Variants in NAA25 observed in about 807,000 individuals in gnomAD.
NAA25 encodes N-terminal acetyltransferase B complex subunit NAA25.
In NAA25, 30 loss-of-function variants were observed where a neutral mutation model predicts 132.5. The ratio of observed to expected loss-of-function variants is 0.23; its 90% CI spans 0.17 to 0.31. NAA25 has a LOEUF of 0.31. Ranked by LOEUF, NAA25 falls within the 10% of genes least tolerant of loss-of-function variation. The probability of loss-of-function intolerance (pLI) is 1.00; values close to 1 mark genes in which losing one functional copy is unlikely to be tolerated. For missense variants in NAA25, 771 were observed against 1,150.4 expected (o/e 0.67, Z 4.77); for synonymous variants, 359 against 401.9 (o/e 0.89, Z 1.28).
chr12:112,029,951 G>A (rs1481927045), intron 23 of NAA25, among the ~76,000 whole-genome samples: 2 of 152,034 alleles, frequency 1.3e-5, no homozygotes, highest in African/African-American at 2.4e-5. Flanking sequence ...GGTGGCTCAC[G>A]CCTGTAATTC....
At chr12:112,106,087 G>A (rs943425019) in intron 1 of NAA25, among the ~76,000 whole-genome samples, 2 of 152,180 alleles carry the variant, frequency 1.3e-5, no homozygotes, top group Non-Finnish European at 2.9e-5. Flanking sequence ...CGGACAGTCT[G>A]TACCGTTCTT....
chr12:112,063,962 T>G (rs7978068), intron 11 of NAA25: 53,854 of 151,892 alleles, frequency 0.35, 13,954 homozygotes, highest in East Asian at 0.85. Context: ...GGCTGGACTC[T>G]AATTCCTGGG....
At chr12:112,035,348 T>A (rs1182367094) in intron 22 of NAA25, 1 of 152,176 alleles carries the variant, frequency 6.6e-6, no homozygotes, top group Non-Finnish European at 1.5e-5. Flanking sequence ...TTTTTTTCCT[T>A]TTTGTCTTGC....
At chr12:112,062,672 G>A (rs905960275) in intron 11 of NAA25, among the ~76,000 whole-genome samples, 6 of 151,742 alleles carry the variant, frequency 4.0e-5, no homozygotes, top group African/African-American at 1.5e-4. Flanking sequence ...GTTGCAGTGA[G>A]CCGAGATCGC....
Position 112,043,143 on chromosome 12 carries a change from C to T in NAA25, c.2319G>A (p.Gln773=). ...CATTGACAAGATAAAAAGAGCTTAT[C>T]TGGCACTGAGAACAGCCAGAATTAA... ...GFFNSGCSQC[Q]ISSFYLVNDI... is the part of the protein sequence containing the mutation. Residue 773 remains glutamine (Q), a synonymous_variant, in exon 19 of 24, where the codon CAG becomes CAA. Transcript: ENST00000261745. 4 of 1,613,542 alleles carry T rather than the reference C, an allele frequency of 2.5e-6. No individual in the cohort carries two copies. The South Asian group carries it at 4.4e-5, about 18-fold the overall frequency.
chr12:112,066,843 G>C (rs1419407180), intron 11 of NAA25, among the ~76,000 whole-genome samples: 1 of 152,156 alleles, frequency 6.6e-6, no homozygotes, highest in African/African-American at 2.4e-5. Flanking sequence ...GTCTGCCAAA[G>C]TACTGAACCT....
chr12:112,066,025 T>C (rs1356036546), intron 11 of NAA25, among the ~76,000 whole-genome samples: 1 of 152,200 alleles, frequency 6.6e-6, no homozygotes, highest in Non-Finnish European at 1.5e-5. Context: ...AAATCCTTAT[T>C]CTCACAGAGC....
At chr12:112,063,734 C>G (rs1052116547) in intron 11 of NAA25, among the ~76,000 whole-genome samples, 8 of 151,980 alleles carry the variant, frequency 5.3e-5, no homozygotes, top group African/African-American at 1.9e-4. Context: ...AAGACTATAA[C>G]TATAAAAATA....
chr12:112,049,352 G>T lies in NAA25; in HGVS notation c.1729-909C>A. On this transcript the variant is annotated intron_variant, in intron 15 of 23. Coordinates refer to ENST00000261745, the MANE Select transcript of NAA25 (RefSeq NM_024953.4). The surrounding 1 kb of genome is among the most constrained non-coding windows in gnomAD (Gnocchi z 4.7). ...ACTATTATGCTCAAAGCTGATGTCT[G>T]CCCCCAAAAAAGATCCTTTCTAGAA... 1.5e-6 allele frequency: 1 copy of T among 646,814 alleles called. No individual in the cohort carries two copies. Among genetic ancestry groups the T allele is most frequent in the Non-Finnish European group, 1.9e-6 (1 of 520,728 alleles). The allele number at this position is 646,814 out of a possible 1,614,324, so 40.1% of individuals were successfully genotyped here.
intron 4 of NAA25, among the ~76,000 whole-genome samples, chr12:112,081,627 A>T (rs1390760414): frequency 1.3e-5 from 2 of 152,218 alleles, no homozygotes; most frequent in Non-Finnish European, 2.9e-5. Context: ...TAGAACTGAA[A>T]TCTTTCATTA....
chr12:112,029,217 G>T lies in NAA25; in HGVS notation c.*314C>A. ...CTTAATTTCTATTGCTGTTTTTATA[G>T]ACCCCCCGCTCCCCTGAAAAGATGT... On this transcript the variant is annotated 3_prime_UTR_variant, in exon 24 of 24. Coordinates refer to ENST00000261745, the MANE Select transcript of NAA25 (RefSeq NM_024953.4). 1 of 284,156 alleles carries T rather than the reference G, an allele frequency of 3.5e-6. No individual in the cohort carries two copies. Among genetic ancestry groups the T allele is most frequent in the Non-Finnish European group, 6.7e-6 (1 of 149,956 alleles). 17.6% of individuals were successfully genotyped at this position (284,156 alleles called of 1,614,324 possible).
chr12:112,078,486 T>G, intron 6 of NAA25, 148 bp downstream of exon 6: 2 of 739,458 alleles, frequency 2.7e-6, no homozygotes, highest in Non-Finnish European at 2.2e-6. Context: ...TGATTAGACC[T>G]ACGCTGAGGG....
chr12:112,094,352 A>G (rs1252898116), intron 1 of NAA25, among the ~76,000 whole-genome samples: 1 of 152,150 alleles, frequency 6.6e-6, no homozygotes, highest in East Asian at 1.9e-4. Context: ...AAGACTATAC[A>G]TATTTAGATG....
intron 14 of NAA25, 37 bp downstream of exon 14, chr12:112,054,351 A>G (rs2078513215): frequency 6.3e-7 from 1 of 1,585,406 alleles, no homozygotes. Context: ...ACACTGGTAT[A>G]GCTGGCTGCT....
intron 5 of NAA25, among the ~76,000 whole-genome samples, chr12:112,080,037 T>C (rs540001435): frequency 6.6e-6 from 1 of 151,940 alleles, no homozygotes; most frequent in East Asian, 1.9e-4. Context: ...TCCCAGCACA[T>C]TGGGAGGCCG....
chr12:112,087,605 T>G, intron 4 of NAA25, 78 bp downstream of exon 4: 1 of 918,386 alleles, frequency 1.1e-6, no homozygotes, highest in Non-Finnish European at 1.8e-6. Flanking sequence ...ACATACCCAG[T>G]GCAGTTAAAT....
chr12:112,052,927 G>A (rs938770371), intron 15 of NAA25, among the ~76,000 whole-genome samples: 2 of 152,192 alleles, frequency 1.3e-5, no homozygotes, highest in African/African-American at 2.4e-5. Flanking sequence ...GGTCAACTGA[G>A]TACAGACCGT....
At chr12:112,091,018 G>A (rs1287803892) in intron 2 of NAA25, among the ~76,000 whole-genome samples, 154 bp from the exon 3 acceptor site, 4 of 152,044 alleles carry the variant, frequency 2.6e-5, no homozygotes, top group African/African-American at 9.7e-5. Flanking sequence ...CTGTAATCCC[G>A]GCACTTTGGG....
Position 112,049,701 on chromosome 12 carries a change from C to A in NAA25, c.1729-1258G>T. On this transcript the variant is annotated intron_variant, in intron 15 of 23. Transcript: ENST00000261745. This position sits in a 1 kb window ranked among gnomAD's most constrained non-coding sequence, Gnocchi z 4.7. ...TCAAGAAGGACTACCTGAAAAAGCT[C>A]GAGTATACCTTCTAGCTTGATTAAA... is the stretch of plus-strand genomic sequence containing the variant. The A allele has an allele frequency of 1.1e-6, 1 of 909,448 alleles. No homozygotes were observed. Among genetic ancestry groups the A allele is most frequent in the Non-Finnish European group, 1.3e-6 (1 of 760,688 alleles). The allele number at this position is 909,448 out of a possible 1,614,324, so 56.3% of individuals were successfully genotyped here.
Sources: gnomAD v4.1 joint callset for allele counts (sites outside exome capture counted in the v4.1 genomes callset) on GRCh38, gnomAD v4.1.1 for gene constraint, Gnocchi (gnomAD v3.1) non-coding constraint, MANE v1.5 for transcripts, NCBI Gene and HGNC (gene_info 2026-07-23, HGNC 2026-07-21) for gene names.